NKAIN3: variants seen among roughly 807,000 people sequenced by gnomAD.
NKAIN3 encodes the protein sodium/potassium transporting ATPase interacting 3, also known as sodium/potassium-transporting ATPase subunit beta-1-interacting protein 3.
A neutral mutation model predicts 30.2 loss-of-function variants in NKAIN3; 25 were observed. The observed-to-expected ratio is 0.83, with a 90% CI of 0.60 to 1.16. The LOEUF (loss-of-function observed/expected upper bound fraction) is 1.16, where lower values mean the gene tolerates loss of function less well. Among genes scored for constraint, NKAIN3 ranks in the 50% most tolerant of loss-of-function variants. The pLI is 0.00. For synonymous variants in NKAIN3, 91 were observed against 89.6 expected, an observed-to-expected ratio of 1.02 and a Z score of -0.09; for missense variants, 225 against 254.1, an observed-to-expected ratio of 0.89 and a Z score of 0.78.
intron 4 of NKAIN3, among the ~76,000 whole-genome samples, chr8:62,836,204 A>T (rs1448491592): frequency 6.6e-6 from 1 of 152,134 alleles, no homozygotes; most frequent in East Asian, 1.9e-4. Flanking sequence ...AAGAGCTGAA[A>T]ATCTACCTAT....
chr8:62,809,774 G>A (rs971555132), intron 4 of NKAIN3, among the ~76,000 whole-genome samples: 2 of 152,172 alleles, frequency 1.3e-5, no homozygotes, highest in Admixed American at 1.3e-4. Flanking sequence ...TTACAGATGA[G>A]GAAACTGAAG....
intron 4 of NKAIN3, among the ~76,000 whole-genome samples, chr8:62,904,172 G>A (rs1821704446): frequency 6.6e-6 from 1 of 152,186 alleles, no homozygotes; most frequent in Admixed American, 6.5e-5. Flanking sequence ...AAGAGGGTAT[G>A]CTGAATTCAG....
chr8:62,801,512 C>G (rs1410216587), intron 4 of NKAIN3, among the ~76,000 whole-genome samples: 1 of 152,202 alleles, frequency 6.6e-6, no homozygotes, highest in African/African-American at 2.4e-5. Flanking sequence ...CAAACAGGGT[C>G]TGGAGTGGAC....
chr8:62,303,224 G>A (rs770415434), intron 1 of NKAIN3, among the ~76,000 whole-genome samples: 6 of 150,326 alleles, frequency 4.0e-5, no homozygotes, highest in Non-Finnish European at 7.4e-5. Context: ...GTTGTTGAAT[G>A]AGCCCTAGAT....
chr8:62,931,165 C>T (rs768746661), intron 5 of NKAIN3, among the ~76,000 whole-genome samples: 18 of 152,200 alleles, frequency 1.2e-4, no homozygotes, highest in African/African-American at 2.4e-4. Context: ...ACAAAACATT[C>T]GCTGGTTTTT....
chr8:62,678,215 G>A (rs1813539851), intron 3 of NKAIN3, among the ~76,000 whole-genome samples: 1 of 152,090 alleles, frequency 6.6e-6, no homozygotes, highest in Non-Finnish European at 1.5e-5. Flanking sequence ...CTTCTTCTGT[G>A]CCTTTGCTAA....
intron 5 of NKAIN3, chr8:62,999,129 T>G (rs1175189538): frequency 6.6e-6 from 1 of 152,192 alleles, no homozygotes; most frequent in African/African-American, 2.4e-5. Flanking sequence ...CCTTATCAGA[T>G]GTATGGTGTG....
intron 4 of NKAIN3, among the ~76,000 whole-genome samples, chr8:62,833,145 A>C (rs1249716140): frequency 6.6e-6 from 1 of 152,120 alleles, no homozygotes; most frequent in Non-Finnish European, 1.5e-5. Context: ...GAAATAAATG[A>C]AAACAGAGAC....
At chr8:62,491,417 T>C (rs1468554872) in intron 1 of NKAIN3, among the ~76,000 whole-genome samples, 1 of 152,168 alleles carries the variant, frequency 6.6e-6, no homozygotes, top group Admixed American at 6.5e-5. Flanking sequence ...GTATTAGAAG[T>C]AACTGAGTGT....
chr8:62,330,998 C>T (rs2351951), intron 1 of NKAIN3, among the ~76,000 whole-genome samples: 1 of 144,434 alleles, frequency 6.9e-6, no homozygotes, highest in Admixed American at 6.7e-5. Flanking sequence ...CTCTCTCTCT[C>T]TTTCTCTCTC....
intron 4 of NKAIN3, among the ~76,000 whole-genome samples, chr8:62,773,865 C>T (rs1193790397): frequency 2.0e-5 from 3 of 152,110 alleles, no homozygotes; most frequent in Non-Finnish European, 2.9e-5. Context: ...TGAGAATGAA[C>T]TAACACAATA....
chr8:62,570,957 A>G (rs150750114), intron 1 of NKAIN3, among the ~76,000 whole-genome samples: 34 of 152,316 alleles, frequency 2.2e-4, no homozygotes, highest in African/African-American at 8.2e-4. Flanking sequence ...AGTGTATTGT[A>G]TGACTGCTAC....
At chr8:62,480,186 T>A (rs1187281680) in intron 1 of NKAIN3, among the ~76,000 whole-genome samples, 1 of 152,122 alleles carries the variant, frequency 6.6e-6, no homozygotes, top group African/African-American at 2.4e-5. Flanking sequence ...TAATAAGCAT[T>A]GTGCTACTTT....
At chr8:62,726,619 C>G (rs1197289917) in intron 3 of NKAIN3, among the ~76,000 whole-genome samples, 1 of 151,950 alleles carries the variant, frequency 6.6e-6, no homozygotes, top group Non-Finnish European at 1.5e-5. Context: ...ATATATTGAA[C>G]TATTCTTGCA....
intron 4 of NKAIN3, among the ~76,000 whole-genome samples, chr8:62,772,941 G>T (rs1244670373): frequency 2.0e-5 from 3 of 152,090 alleles, no homozygotes; most frequent in Non-Finnish European, 4.4e-5. Context: ...TTACAGGTGT[G>T]AGCAACCACG....
At chr8:62,824,899 A>C (rs1277776919) in intron 4 of NKAIN3, among the ~76,000 whole-genome samples, 1 of 152,216 alleles carries the variant, frequency 6.6e-6, no homozygotes, top group Non-Finnish European at 1.5e-5. Context: ...TCTAAATGGC[A>C]AAACCAGCAG....
chr8:62,454,221 C>T (rs1805739482), intron 1 of NKAIN3, among the ~76,000 whole-genome samples: 1 of 144,776 alleles, frequency 6.9e-6, no homozygotes, highest in Non-Finnish European at 1.5e-5. Context: ...TCCAATCTTT[C>T]AGCTTCCATG....
chr8:62,917,125 G>A (rs1176250565), intron 4 of NKAIN3, among the ~76,000 whole-genome samples: 3 of 151,946 alleles, frequency 2.0e-5, no homozygotes, highest in South Asian at 4.2e-4. Flanking sequence ...TCTCTCCAGA[G>A]GCCTTACCCC....
chr8:62,719,072 ATTG>A (rs1047015051), intron 3 of NKAIN3, among the ~76,000 whole-genome samples: 11 of 152,162 alleles, frequency 7.2e-5, no homozygotes, highest in Non-Finnish European at 1.3e-4. Context: ...AAGGAGACAT[ATTG>A]TTGTGCCAAT....
Sources: allele counts gnomAD v4.1 joint callset (sites outside exome capture counted in the v4.1 genomes callset), GRCh38; gene constraint gnomAD v4.1.1; transcripts MANE v1.5; gene names NCBI Gene and HGNC (gene_info 2026-07-23, HGNC 2026-07-21).